TAFA5: variants seen among roughly 807,000 people sequenced by gnomAD.
TAFA5 encodes the protein chemokine-like protein TAFA-5.
A neutral mutation model predicts 15.3 loss-of-function variants in TAFA5; 6 were observed. The ratio of observed to expected loss-of-function variants is 0.39; its 90% confidence interval spans 0.21 to 0.77. TAFA5 has a LOEUF of 0.77. Among genes scored for constraint, TAFA5 ranks in the 30% least tolerant of loss-of-function variants. The pLI, the probability that TAFA5 is intolerant of heterozygous loss-of-function variation, is 0.41. For missense variants in TAFA5, 161 were observed against 193.1 expected, an observed-to-expected ratio of 0.83 and a Z score of 0.98; for synonymous variants, 103 against 80.7, an observed-to-expected ratio of 1.28 and a Z score of -1.48.
intron 3 of TAFA5, among the ~76,000 whole-genome samples, chr22:48,718,777 C>T (rs1281497287): frequency 6.6e-6 from 1 of 152,148 alleles, no homozygotes; most frequent in Non-Finnish European, 1.5e-5. Flanking sequence ...ACCTTCCAGT[C>T]CTCCGTGTGA....
At chr22:48,516,596 C>T (rs891940748) in intron 1 of TAFA5, among the ~76,000 whole-genome samples, 41 of 152,274 alleles carry the variant, frequency 2.7e-4, no homozygotes, top group African/African-American at 9.4e-4. Context: ...CTGAACGTTG[C>T]AGGGTGAAGC....
chr22:48,626,906 C>A (rs1208119218), intron 1 of TAFA5, among the ~76,000 whole-genome samples: 1 of 152,086 alleles, frequency 6.6e-6, no homozygotes, highest in Non-Finnish European at 1.5e-5. Context: ...TTCCTTTTTG[C>A]CTGTGGACCT....
At chr22:48,608,424 T>C (rs949714854) in intron 1 of TAFA5, among the ~76,000 whole-genome samples, 1 of 152,110 alleles carries the variant, frequency 6.6e-6, no homozygotes, top group Non-Finnish European at 1.5e-5. Context: ...CACGTGATAC[T>C]GTTGGTTTTT....
intron 1 of TAFA5, among the ~76,000 whole-genome samples, chr22:48,518,019 G>C (rs960414000): frequency 1.3e-5 from 2 of 152,198 alleles, no homozygotes; most frequent in Non-Finnish European, 2.9e-5. Flanking sequence ...CTCTCTGAAC[G>C]CTGGCCGTGG....
Position 48,692,930 on chromosome 22 carries a change from T to C in TAFA5, c.263-14787T>C, listed in dbSNP as rs113784355. On this transcript the variant is annotated intron_variant, in intron 2 of 3. Transcript: ENST00000402357. ...GGCCACCTCAGGGATGGGGCACCGT[T>C]GAGGCAGGAAGGGCATCGGCGGCGC... is the stretch of plus-strand genomic sequence containing the variant. 5.9e-5 allele frequency among the ~76,000 whole-genome samples: 9 copies of C among 152,348 alleles called. 1 individual carries two copies. The highest frequency in any genetic ancestry group is 1.9e-4 in the African/African-American group (8 of 41,590).
At position 48,635,010 on chromosome 22, in the gene TAFA5, G is replaced by GA. The variant is rs777669146; in HGVS notation, c.113-11586dup. ...GGAGCCATTTTCCTGAGGTAGGGGGGATCCTCTGTCCTGGTCAGGGAGGTG... is the reference window on the plus strand; with the variant it reads ...GGAGCCATTTTCCTGAGGTAGGGGGGAATCCTCTGTCCTGGTCAGGGAGGTG... On this transcript the variant is annotated intron_variant, in intron 1 of 3. Transcript: ENST00000402357. Among the ~76,000 whole-genome samples, 4 of 152,314 alleles carry GA rather than the reference G, an allele frequency of 2.6e-5. No individual in the cohort carries two copies. In the South Asian group the frequency reaches 8.3e-4, roughly 32 times the overall value.
In TAFA5 at chr22:48,562,445, G is replaced by A. The variant is rs866976000; in HGVS notation, c.112+72741G>A. Among the ~76,000 whole-genome samples the A allele has an allele frequency of 3.9e-5, 6 of 152,320 alleles. No homozygotes were observed. In the South Asian group the frequency reaches 1.2e-3, roughly 32 times the overall value. ...GAGCCACCGCGCCCGGCCCCGCGGA[G>A]CCTTTCTAGAAAATGGGAAGGGGGC... is the stretch of plus-strand genomic sequence containing the variant. On this transcript the variant is annotated intron_variant, in intron 1 of 3. Coordinates refer to ENST00000402357, the MANE Select transcript of TAFA5 (RefSeq NM_001082967.3).
At chr22:48,551,821 C>T (rs538926697) in intron 1 of TAFA5, among the ~76,000 whole-genome samples, 1 of 152,338 alleles carries the variant, frequency 6.6e-6, no homozygotes, top group Admixed American at 6.5e-5. Context: ...CCCGCCCGCT[C>T]CCCTGGCTGG....
intron 1 of TAFA5, among the ~76,000 whole-genome samples, chr22:48,523,555 G>A (rs995874461): frequency 5.3e-5 from 8 of 152,164 alleles, no homozygotes; most frequent in African/African-American, 1.4e-4. Context: ...TCACCCACAC[G>A]GGGCTTGGTG....
chr22:48,523,803 C>A (rs1921687345), intron 1 of TAFA5, among the ~76,000 whole-genome samples: 1 of 152,204 alleles, frequency 6.6e-6, no homozygotes. Flanking sequence ...GCCAGGCAGA[C>A]ACAAGGCCAG....
chr22:48,715,148 C>T (rs1929364394), intron 3 of TAFA5, among the ~76,000 whole-genome samples: 2 of 152,212 alleles, frequency 1.3e-5, no homozygotes, highest in Non-Finnish European at 2.9e-5. Flanking sequence ...CCCCCCATTC[C>T]ACCCACTGAA....
intron 1 of TAFA5, among the ~76,000 whole-genome samples, chr22:48,642,332 C>T (rs1285883681): frequency 1.3e-5 from 2 of 152,164 alleles, no homozygotes; most frequent in Admixed American, 6.5e-5. Flanking sequence ...TCCGGGTCTA[C>T]CCTGTACCTC....
chr22:48,733,192 T>C (rs538062641), intron 3 of TAFA5, among the ~76,000 whole-genome samples: 2 of 152,372 alleles, frequency 1.3e-5, no homozygotes, highest in South Asian at 4.1e-4. Context: ...AAAAGTCTTC[T>C]AATTCAATAG....
chr22:48,528,414 C>A (rs543068230), intron 1 of TAFA5, among the ~76,000 whole-genome samples: 1 of 152,218 alleles, frequency 6.6e-6, no homozygotes, highest in Non-Finnish European at 1.5e-5. Flanking sequence ...GGAGGCACCC[C>A]TGGAAGGGCA....
chr22:48,652,882 G>A (rs892263045), intron 2 of TAFA5, among the ~76,000 whole-genome samples: 3 of 152,148 alleles, frequency 2.0e-5, no homozygotes, highest in Admixed American at 2.0e-4. Flanking sequence ...ATTTCTGGAG[G>A]CTTCCCGAGG....
At chr22:48,595,335 C>T (rs564453908) in intron 1 of TAFA5, among the ~76,000 whole-genome samples, 8 of 152,344 alleles carry the variant, frequency 5.3e-5, no homozygotes, top group East Asian at 1.9e-4. Context: ...CTCCTCTTCC[C>T]GGCGCGTCAG....
intron 1 of TAFA5, among the ~76,000 whole-genome samples, chr22:48,621,043 CCCATCCACCCACCAACCTATCCTATTCAT>C (rs1925811461): frequency 1.5e-5 from 1 of 65,286 alleles, no homozygotes; most frequent in African/African-American, 5.3e-5. Flanking sequence ...CACCCTCCCA[CCCATCCACCCACCAACCTATCCTATTCAT>C]CCATCCACCC....
intron 1 of TAFA5, among the ~76,000 whole-genome samples, chr22:48,623,674 C>T (rs1020700335): frequency 1.3e-5 from 2 of 152,252 alleles, no homozygotes; most frequent in Non-Finnish European, 2.9e-5. Flanking sequence ...AGGCCCAGCA[C>T]GCCCCATTTA....
intron 2 of TAFA5, among the ~76,000 whole-genome samples, chr22:48,692,959 G>A (rs1928589149): frequency 6.6e-6 from 1 of 152,200 alleles, no homozygotes; most frequent in African/African-American, 2.4e-5. Context: ...GCGGCGCCTT[G>A]GGCCCCGTCA....
Sources: allele counts gnomAD v4.1 joint callset (sites outside exome capture counted in the v4.1 genomes callset), GRCh38; gene constraint gnomAD v4.1.1; transcripts MANE v1.5; gene names NCBI Gene and HGNC (gene_info 2026-07-23, HGNC 2026-07-21).